Variants in BACH1 observed in about 807,000 individuals in gnomAD.
BACH1 encodes the protein transcription regulator protein BACH1.
BACH1 carries 35 observed loss-of-function variants against 52.9 expected under a neutral mutation model. The ratio of observed to expected loss-of-function variants is 0.66; its 90% CI spans 0.51 to 0.88. BACH1 has a LOEUF of 0.88. Among genes scored for constraint, BACH1 ranks in the 40% least tolerant of loss-of-function variants. The pLI, the probability that BACH1 is intolerant of heterozygous loss-of-function variation, is 0.00. For missense variants in BACH1, 808 were observed against 872.6 expected (o/e 0.93, Z 0.93); for synonymous variants, 321 against 319.6 (o/e 1.00, Z -0.05).
intron 1 of BACH1, among the ~76,000 whole-genome samples, chr21:29,303,291 GGTT>G (rs2088622551): frequency 6.6e-6 from 1 of 152,212 alleles, no homozygotes; most frequent in African/African-American, 2.4e-5. Context: ...AATTCAGAAA[GGTT>G]GTGTTATTTT....
Position 29,335,440 on chromosome 21 carries a change from T to TACCA in BACH1, c.1776+5748_1776+5751dup, listed in dbSNP as rs748370999. On this transcript the variant is annotated intron_variant, in intron 4 of 4. Transcript: ENST00000286800. ...CCTACATGTTAAATGTTGTGCTTGG[T>TACCA]ACCAGGATGTCAGAAATGAGTAAGA... Among the ~76,000 whole-genome samples, 14 of 152,312 alleles carry TACCA rather than the reference T, an allele frequency of 9.2e-5. No individual in the cohort carries two copies. In the East Asian group the frequency reaches 2.5e-3, roughly 27 times the overall value.
In BACH1 at chr21:29,342,686, TG is replaced by T. The variant is rs749914484; in HGVS notation, c.2065del (p.Glu689SerfsTer40). Reference protein sequence around the residue: ...VLPPCARGNSEPGYARGQESQ... With the variant: ...VLPPCARGNSXPGYARGQESQ... ...TGCCTCCCTGTGCCAGAGGAAACAG[TG>T]AGCCTGGCTACGCGCGAGGGCAGGA... On this transcript the variant is annotated frameshift_variant, in exon 5 of 5. Transcript: ENST00000286800. LOFTEE classifies it low-confidence loss of function (END_TRUNC). 7 of 1,614,084 alleles carry T rather than the reference TG, an allele frequency of 4.3e-6. No individual in the cohort carries two copies. Among genetic ancestry groups the T allele is most frequent in the Non-Finnish European group, 5.9e-6 (7 of 1,180,042 alleles).
intron 2 of BACH1, among the ~76,000 whole-genome samples, chr21:29,360,031 C>T (rs928303299): frequency 4.6e-5 from 7 of 152,184 alleles, no homozygotes; most frequent in African/African-American, 1.4e-4. Flanking sequence ...AAAGGCTGAT[C>T]GAAGACCCCA....
At position 29,357,804 on chromosome 21, in the gene BACH1, G is replaced by A. The variant is rs150100798; in HGVS notation, c.472+28111G>A. 3.2e-3 allele frequency among the ~76,000 whole-genome samples: 489 copies of A among 152,338 alleles called. 2 individuals are homozygous for A. In the East Asian group the frequency reaches 0.049, roughly 15 times the overall value. On this transcript the variant is annotated intron_variant, in intron 2 of 4. Transcript: ENST00000422809. ...TCCTGTGGGAAGGCTTAAGGCTGGA[G>A]CTTGAGTTTGTTCCTTCCAATGCCC...
chr21:29,300,412 A>G (rs1275125752), intron 1 of BACH1, among the ~76,000 whole-genome samples: 1 of 152,188 alleles, frequency 6.6e-6, no homozygotes, highest in African/African-American at 2.4e-5. Context: ...AGAGCGCTCT[A>G]GAGAGGTTGC....
At chr21:29,315,561 A>G (rs1231284616) in intron 1 of BACH1, among the ~76,000 whole-genome samples, 1 of 152,148 alleles carries the variant, frequency 6.6e-6, no homozygotes, top group Non-Finnish European at 1.5e-5. Context: ...TGCTTTTATA[A>G]AAAGGCTGGC....
At chr21:29,307,132 T>C (rs1306721359) in intron 1 of BACH1, among the ~76,000 whole-genome samples, 1 of 152,220 alleles carries the variant, frequency 6.6e-6, no homozygotes, top group Non-Finnish European at 1.5e-5. Flanking sequence ...TGTTAGTTCA[T>C]TGGCTAGATG....
intron 2 of BACH1, 120 bp downstream of exon 2, chr21:29,321,634 C>T (rs938090248): frequency 1.1e-4 from 76 of 679,526 alleles, no homozygotes; most frequent in South Asian, 3.1e-4. Flanking sequence ...TTCCCAGGTT[C>T]TGTGCAACCC....
At chr21:29,359,122 AT>A (rs2089256125) in intron 2 of BACH1, 1 of 152,108 alleles carries the variant, frequency 6.6e-6, no homozygotes, top group Non-Finnish European at 1.5e-5. Context: ...GATGTCCATC[AT>A]AGCATTTATC....
At chr21:29,310,081 A>G (rs2088703316) in intron 1 of BACH1, among the ~76,000 whole-genome samples, 2 of 151,998 alleles carry the variant, frequency 1.3e-5, no homozygotes, top group Admixed American at 1.3e-4. Context: ...TTCTTTAGTA[A>G]TTTATTGTGA....
chr21:29,322,793 C>T (rs1157556794), intron 2 of BACH1, among the ~76,000 whole-genome samples: 1 of 152,070 alleles, frequency 6.6e-6, no homozygotes, highest in East Asian at 1.9e-4. Flanking sequence ...AGTTTTGTAG[C>T]AGAGGTCAGA....
rs1265163746 is a variant in BACH1, at chr21:29,329,608, G to A, written c.1691G>A (p.Arg564Lys). The change falls in exon 4 of 5, where the codon AGA becomes AAA. Residue 564 changes from arginine (R) to lysine (K), a missense_variant. Physicochemically the swap from Arg to Lys is conservative, Grantham distance 26. Transcript: ENST00000286800. Reference protein sequence around the residue: ...QLDCIHDIRRRSKNRIAAQRC... With the variant: ...QLDCIHDIRRKSKNRIAAQRC... Reference sequence around the variant, plus strand: ...GATTGTATCCATGATATTCGAAGAAGAAGTAAAAACAGAATTGCTGCACAG... The same window carrying A: ...GATTGTATCCATGATATTCGAAGAAAAAGTAAAAACAGAATTGCTGCACAG... The A allele has an allele frequency of 6.2e-7, 1 of 1,605,948 alleles. No individual in the cohort carries two copies. Among genetic ancestry groups the A allele is most frequent in the South Asian group, 1.1e-5 (1 of 89,240 alleles).
chr21:29,351,472 C>CT (rs1428365248), intron 2 of BACH1, among the ~76,000 whole-genome samples: 1 of 152,206 alleles, frequency 6.6e-6, no homozygotes, highest in East Asian at 1.9e-4. Flanking sequence ...GCCTTAACTG[C>CT]TGGGCACAGG....
chr21:29,304,165 G>A (rs527729708), intron 1 of BACH1, among the ~76,000 whole-genome samples: 4 of 141,710 alleles, frequency 2.8e-5, no homozygotes, highest in South Asian at 2.2e-4. Flanking sequence ...TCACTCTGTC[G>A]CTCAGGCTGG....
chr21:29,326,683 G>C lies in BACH1; in HGVS notation c.859G>C (p.Glu287Gln), dbSNP rs1208451177. 1.9e-6 allele frequency: 3 copies of C among 1,614,180 alleles called. No individual in the cohort carries two copies. In the Admixed American group the frequency reaches 5.0e-5, roughly 27 times the overall value. The change falls in exon 3 of 5, where the codon GAA becomes CAA. Residue 287 changes from glutamate (E) to glutamine (Q), a missense_variant. By Grantham distance (29) the Glu-to-Gln change is conservative. Transcript: ENST00000286800. ...LKCDESKLAM[E>Q]PEETKKDPAS... ...ATGTGACGAAAGTAAATTAGCAATG[G>C]AACCTGAAGAAACGAAGAAAGATCC...
intron 1 of BACH1, among the ~76,000 whole-genome samples, chr21:29,304,653 C>T (rs564034802): frequency 1.3e-5 from 2 of 152,104 alleles, no homozygotes; most frequent in African/African-American, 4.8e-5. Flanking sequence ...CCCTCCCTCC[C>T]CCTACACACC....
chr21:29,327,016 G>A lies in BACH1; in HGVS notation c.1192G>A (p.Ala398Thr), dbSNP rs1201210679. Residue 398 changes from alanine to threonine, a missense_variant, in exon 3 of 5, where the codon GCA (alanine) becomes ACA (threonine). Ala to Thr is a moderately conservative substitution (Grantham distance 58). Transcript: ENST00000286800. ...GGAGCGAGAAGTGGCAGAACACCTA[G>A]CAAAAGGCTTCTGGAGTGACATTTG... ...SVEREVAEHL[A>T]KGFWSDICST... The A allele has an allele frequency of 2.5e-6, 4 of 1,613,950 alleles. No individual in the cohort carries two copies. The highest frequency in any genetic ancestry group is 3.4e-6 in the Non-Finnish European group (4 of 1,180,026).
chr21:29,337,344 A>T (rs1258680678), intron 4 of BACH1, among the ~76,000 whole-genome samples: 1 of 152,244 alleles, frequency 6.6e-6, no homozygotes, highest in Non-Finnish European at 1.5e-5. Flanking sequence ...ATCTGTGTAT[A>T]AAATAAAGTT....
intron 1 of BACH1, among the ~76,000 whole-genome samples, chr21:29,307,180 A>G (rs922101779): frequency 6.6e-6 from 1 of 152,194 alleles, no homozygotes; most frequent in Admixed American, 6.5e-5. Flanking sequence ...TTGAATCAGG[A>G]GTACAAACAG....
Sources: allele counts gnomAD v4.1 joint callset (sites outside exome capture counted in the v4.1 genomes callset), GRCh38; gene constraint gnomAD v4.1.1; transcripts MANE v1.5; gene names NCBI Gene and HGNC (gene_info 2026-07-23, HGNC 2026-07-21).